MBNL2: variants seen among roughly 807,000 people sequenced by gnomAD.
The protein encoded by MBNL2 is muscleblind like splicing regulator 2.
Under a neutral mutation model 41.9 loss-of-function variants are expected in MBNL2, and 17 were observed. The ratio of observed to expected loss-of-function variants is 0.41; its 90% CI spans 0.28 to 0.61. The LOEUF (loss-of-function observed/expected upper bound fraction) is 0.61. Ranked by LOEUF, MBNL2 falls within the 20% of genes least tolerant of loss-of-function variation. The pLI, the probability that MBNL2 is intolerant of heterozygous loss-of-function variation, is 0.35. For synonymous variants in MBNL2, 195 were observed against 182.9 expected (o/e 1.07, Z -0.53); for missense variants, 336 against 505.6 (o/e 0.66, Z 3.22).
At chr13:97,361,837 T>C (rs1431406267) in intron 7 of MBNL2, among the ~76,000 whole-genome samples, 1 of 148,250 alleles carries the variant, frequency 6.7e-6, no homozygotes, top group African/African-American at 2.5e-5. Flanking sequence ...TGGCATGATC[T>C]TGGCTCACTG....
intron 1 of MBNL2, among the ~76,000 whole-genome samples, chr13:97,269,411 G>A (rs1419662976): frequency 6.6e-6 from 1 of 152,142 alleles, no homozygotes; most frequent in African/African-American, 2.4e-5. Context: ...ATTGTGGAAC[G>A]TCTGGAGGTG....
chr13:97,227,392 G>A (rs532310987), intron 1 of MBNL2, among the ~76,000 whole-genome samples: 3 of 152,246 alleles, frequency 2.0e-5, no homozygotes, highest in Admixed American at 6.5e-5. Context: ...TGCTGCGGCC[G>A]TTTGCAATCC....
At chr13:97,347,125 G>A in intron 5 of MBNL2, 58 bp downstream of exon 5, 2 of 1,329,872 alleles carry the variant, frequency 1.5e-6, no homozygotes, top group East Asian at 2.6e-5. Context: ...GCCGCTCCGG[G>A]CTGGGACTTG....
chr13:97,275,031 A>C (rs976534991), intron 1 of MBNL2, among the ~76,000 whole-genome samples: 1 of 151,660 alleles, frequency 6.6e-6, no homozygotes, highest in Non-Finnish European at 1.5e-5. Flanking sequence ...AACTACAAAG[A>C]ATAGTCTTTG....
the MBNL2 span, among the ~76,000 whole-genome samples, chr13:97,158,045 A>C: frequency 6.6e-6 from 1 of 150,784 alleles, no homozygotes; most frequent in Non-Finnish European, 1.5e-5. Flanking sequence ...TTGGTTGGTA[A>C]GCTATTGATT....
chr13:97,141,865 G>A, the MBNL2 span, among the ~76,000 whole-genome samples: 1 of 152,312 alleles, frequency 6.6e-6, no homozygotes, highest in Admixed American at 6.5e-5. Context: ...GCTGCGCAGA[G>A]AATGGAGAGC....
intron 2 of MBNL2, among the ~76,000 whole-genome samples, chr13:97,287,973 G>A (rs2054995192): frequency 7.2e-6 from 1 of 138,208 alleles, no homozygotes. Context: ...GGGGTTTCAC[G>A]ATGTTGGCCA....
At chr13:97,348,776 G>A (rs186375495) in intron 5 of MBNL2, among the ~76,000 whole-genome samples, 1 of 152,270 alleles carries the variant, frequency 6.6e-6, no homozygotes, top group African/African-American at 2.4e-5. Context: ...CTAGTTAGCA[G>A]CCATCACCTC....
At chr13:97,159,390 A>G in the MBNL2 span, among the ~76,000 whole-genome samples, 16 of 151,478 alleles carry the variant, frequency 1.1e-4, 1 homozygote, top group Admixed American at 9.2e-4. Context: ...CATTTAGTCC[A>G]TTTACATTTA....
chr13:97,357,442 C>T (rs2063088843), intron 6 of MBNL2, 40 bp from the exon 7 acceptor site: 1 of 1,577,556 alleles, frequency 6.3e-7, no homozygotes, highest in Admixed American at 1.7e-5. Flanking sequence ...GGTGTGTTTG[C>T]TTTAAGTTAG....
rs2060715025 is a variant in MBNL2 at position 97,334,523 on chromosome 13, C to T, written c.339+83C>T. Reference sequence around the variant, plus strand: ...GCCACGTTGACCTAGGGTGGCCTCTCTCCACTTTGTCACTTTGGTTACAAT... The same window carrying T: ...GCCACGTTGACCTAGGGTGGCCTCTTTCCACTTTGTCACTTTGGTTACAAT... On this transcript the variant is annotated intron_variant, in intron 3 of 8. Coordinates refer to ENST00000679496, the MANE Select transcript of MBNL2 (RefSeq NM_001382683.1). This position sits in a 1 kb window ranked among gnomAD's most constrained non-coding sequence, Gnocchi z 5.3. 1.0e-6 allele frequency: 1 copy of T among 952,458 alleles called. No homozygotes were observed. The allele number at this position is 952,458 out of a possible 1,614,324, so 59.0% of individuals were successfully genotyped here.
intron 3 of MBNL2, among the ~76,000 whole-genome samples, chr13:97,336,764 A>C (rs149324487): frequency 6.6e-6 from 1 of 152,344 alleles, no homozygotes; most frequent in East Asian, 1.9e-4. Flanking sequence ...ATTCTAAGCC[A>C]ATGGGTTTAT....
In MBNL2 at chr13:97,356,971, A is replaced by G. The variant is rs1391957817; in HGVS notation, c.858+122A>G. ...ATTATTAATTTATGGAAAAAATCCA[A>G]TAAGGTGTTTAGCCATCTCATTCTC... is the stretch of plus-strand genomic sequence containing the variant. On this transcript the variant is annotated intron_variant, in intron 6 of 8. Coordinates refer to ENST00000679496, the MANE Select transcript of MBNL2 (RefSeq NM_001382683.1). 4 of 474,630 alleles carry G rather than the reference A, an allele frequency of 8.4e-6. No homozygotes were observed. In the East Asian group the frequency reaches 2.5e-4, roughly 29 times the overall value. The allele number at this position is 474,630 out of a possible 1,614,324, so 29.4% of individuals were successfully genotyped here. A position where few individuals can be genotyped will look rare whatever the true frequency, so the allele number is the denominator to read the frequency against.
upstream of MBNL2, among the ~76,000 whole-genome samples, chr13:97,218,548 A>G (rs2040606755): frequency 6.6e-6 from 1 of 151,858 alleles, no homozygotes; most frequent in South Asian, 2.1e-4. Context: ...GCAAATTCGA[A>G]GGTACTGTTT....
chr13:97,163,688 C>A, the MBNL2 span, among the ~76,000 whole-genome samples: 7 of 152,286 alleles, frequency 4.6e-5, no homozygotes, highest in East Asian at 9.6e-4. Context: ...CTCGCTCACA[C>A]GGCAGAGGCT....
the MBNL2 span, among the ~76,000 whole-genome samples, chr13:97,159,806 C>T: frequency 2.6e-5 from 4 of 151,626 alleles, no homozygotes; most frequent in East Asian, 5.8e-4. Context: ...GTAACCCGAC[C>T]TTTCTCTCTG....
chr13:97,235,508 G>A (rs1301485658), intron 1 of MBNL2, among the ~76,000 whole-genome samples: 1 of 152,164 alleles, frequency 6.6e-6, no homozygotes, highest in Non-Finnish European at 1.5e-5. Context: ...TGTAGATACC[G>A]GAATTCTTGT....
intron 7 of MBNL2, among the ~76,000 whole-genome samples, chr13:97,360,730 T>A (rs775162353): frequency 3.9e-5 from 6 of 152,206 alleles, no homozygotes; most frequent in Non-Finnish European, 5.9e-5. Flanking sequence ...ACAGCTGAAA[T>A]ATTTGTGCAA....
chr13:97,387,979 C>T (rs1340400044), intron 8 of MBNL2, among the ~76,000 whole-genome samples: 1 of 152,172 alleles, frequency 6.6e-6, no homozygotes, highest in African/African-American at 2.4e-5. Flanking sequence ...TTCAAGACAG[C>T]ATGGGGTGCT....
Sources: gnomAD v4.1 joint callset for allele counts (sites outside exome capture counted in the v4.1 genomes callset) on GRCh38, gnomAD v4.1.1 for gene constraint, Gnocchi (gnomAD v3.1) non-coding constraint, MANE v1.5 for transcripts, NCBI Gene and HGNC (gene_info 2026-07-23, HGNC 2026-07-21) for gene names.